Variants in OCA2 observed in about 807,000 individuals in gnomAD.
OCA2 encodes OCA2 melanosomal transmembrane protein.
In OCA2, 77 loss-of-function variants were observed where a neutral mutation model predicts 100.2. That is an observed-to-expected ratio of 0.77 (90% confidence interval 0.64 to 0.93). The LOEUF is 0.93. OCA2 is among the 40% of genes least tolerant of loss of function. OCA2 has a pLI of 0.00. For missense variants in OCA2, 1,062 were observed against 1,089.1 expected (o/e 0.98, Z 0.35); for synonymous variants, 432 against 439.2 (o/e 0.98, Z 0.21).
chr15:27,985,053 GC>G lies in OCA2; in HGVS notation c.1364+10del. The G allele has an allele frequency of 6.2e-7, 1 of 1,613,772 alleles. No homozygotes were observed. The highest frequency in any genetic ancestry group is 8.5e-7 in the Non-Finnish European group (1 of 1,179,840). ...TGGCCGCAACTCCCACGGCAGAGGTGCTTTGCGTACCTTATGGTCACAGGCG... is the reference window on the plus strand; with the variant it reads ...TGGCCGCAACTCCCACGGCAGAGGTGTTTGCGTACCTTATGGTCACAGGCG... On this transcript the variant is annotated intron_variant, in intron 13 of 23. Coordinates refer to ENST00000354638, the MANE Select transcript of OCA2 (RefSeq NM_000275.3).
intron 2 of OCA2, among the ~76,000 whole-genome samples, chr15:28,063,074 T>A (rs2043923535): frequency 1.3e-5 from 2 of 152,200 alleles, no homozygotes; most frequent in Non-Finnish European, 2.9e-5. Flanking sequence ...AGGATCAGTG[T>A]GCTGAAAATG....
intron 3 of OCA2, among the ~76,000 whole-genome samples, chr15:28,030,249 G>T (rs1355408197): frequency 6.6e-6 from 1 of 152,158 alleles, no homozygotes; most frequent in Non-Finnish European, 1.5e-5. Flanking sequence ...ACTGTACTAG[G>T]TGCCAGGATG....
intron 15 of OCA2, among the ~76,000 whole-genome samples, chr15:27,964,227 C>T (rs1298251990): frequency 6.6e-6 from 1 of 152,186 alleles, no homozygotes; most frequent in Non-Finnish European, 1.5e-5. Context: ...GGAAATATTT[C>T]CATATTCCTC....
intron 21 of OCA2, among the ~76,000 whole-genome samples, chr15:27,868,170 T>C (rs1046192972): frequency 5.3e-5 from 8 of 152,132 alleles, no homozygotes; most frequent in Non-Finnish European, 7.4e-5. Flanking sequence ...AGATGATGTT[T>C]TGGGGGTTTC....
intron 21 of OCA2, among the ~76,000 whole-genome samples, chr15:27,860,450 C>G (rs1043985700): frequency 1.1e-4 from 17 of 152,184 alleles, no homozygotes; most frequent in African/African-American, 3.6e-4. Flanking sequence ...TCGTCCTCAT[C>G]CCTCACTCCT....
chr15:27,858,447 A>C (rs947468014), intron 21 of OCA2, among the ~76,000 whole-genome samples: 1 of 152,118 alleles, frequency 6.6e-6, no homozygotes, highest in Non-Finnish European at 1.5e-5. Flanking sequence ...TACATCTTAC[A>C]CATTTTGTTA....
At chr15:28,061,741 A>T (rs1396399195) in intron 2 of OCA2, among the ~76,000 whole-genome samples, 1 of 152,184 alleles carries the variant, frequency 6.6e-6, no homozygotes, top group Non-Finnish European at 1.5e-5. Context: ...TTTATAAGCT[A>T]CTCAGTTTAT....
At chr15:27,772,200 T>A (rs1196689560) in intron 23 of OCA2, among the ~76,000 whole-genome samples, 1 of 152,212 alleles carries the variant, frequency 6.6e-6, no homozygotes, top group Non-Finnish European at 1.5e-5. Flanking sequence ...AAAACAATAT[T>A]TTCTGCTAAG....
Position 27,851,469 on chromosome 15 carries a change from C to A in OCA2, c.2251G>T (p.Val751Leu), listed in dbSNP as rs780969715. ...GGGTCGTGGCTCAGGTTCAGGAGCACGGGAATCTGTGGAGGAAGAGGACAT... is the reference window on the plus strand; with the variant it reads ...GGGTCGTGGCTCAGGTTCAGGAGCAAGGGAATCTGTGGAGGAAGAGGACAT... ...NIPFTATMIPVLLNLSHDPEV... is the reference protein window; with the variant it reads ...NIPFTATMIPLLLNLSHDPEV... The change falls in exon 22 of 24, where the codon GTG becomes TTG. Residue 751 changes from valine (V) to leucine (L), a missense_variant. By Grantham distance (32) the Val-to-Leu change is conservative. Transcript: ENST00000354638. 2.5e-6 allele frequency: 4 copies of A among 1,612,934 alleles called. No homozygotes were observed. The highest frequency in any genetic ancestry group is 2.2e-5 in the East Asian group (1 of 44,860).
chr15:27,804,769 A>C (rs2033756389), intron 23 of OCA2, among the ~76,000 whole-genome samples: 2 of 152,216 alleles, frequency 1.3e-5, no homozygotes, highest in Non-Finnish European at 2.9e-5. Context: ...AGGAAAGACC[A>C]GACAGCTACC....
At chr15:27,910,622 G>T (rs1567093539) in intron 19 of OCA2, among the ~76,000 whole-genome samples, 1 of 151,646 alleles carries the variant, frequency 6.6e-6, no homozygotes, top group South Asian at 2.1e-4. Flanking sequence ...TAAAGAAGGG[G>T]ATACAAAATA....
At chr15:27,727,932 G>A in the OCA2 span, among the ~76,000 whole-genome samples, 3 of 152,158 alleles carry the variant, frequency 2.0e-5, no homozygotes, top group African/African-American at 7.2e-5. Flanking sequence ...GTATTCACAG[G>A]CCCTGGCACG....
chr15:27,979,829 A>C (rs1287193542), intron 14 of OCA2, among the ~76,000 whole-genome samples: 2 of 148,486 alleles, frequency 1.3e-5, no homozygotes, highest in Admixed American at 6.7e-5. Context: ...CCTCCTGAGT[A>C]GCTGGGACTA....
chr15:28,024,126 G>A (rs1252274752), intron 5 of OCA2, among the ~76,000 whole-genome samples: 1 of 152,214 alleles, frequency 6.6e-6, no homozygotes, highest in African/African-American at 2.4e-5. Flanking sequence ...GCACAGAGGT[G>A]TCTCTGCAGC....
At chr15:28,033,438 T>C (rs977404036) in intron 2 of OCA2, among the ~76,000 whole-genome samples, 4 of 152,220 alleles carry the variant, frequency 2.6e-5, no homozygotes, top group African/African-American at 9.7e-5. Context: ...AGCATTCACC[T>C]GTGAGATAGA....
chr15:27,833,485 C>T (rs1163028176), intron 23 of OCA2, among the ~76,000 whole-genome samples: 1 of 152,218 alleles, frequency 6.6e-6, no homozygotes, highest in Admixed American at 6.5e-5. Context: ...TTTACCAGGA[C>T]ATTTACTCTT....
chr15:27,934,271 G>C (rs1229105670), intron 18 of OCA2, among the ~76,000 whole-genome samples: 1 of 151,992 alleles, frequency 6.6e-6, no homozygotes, highest in East Asian at 1.9e-4. Flanking sequence ...CTTAGACAGG[G>C]AGAAGTCAAT....
chr15:28,074,623 G>A (rs1276869636), intron 2 of OCA2, among the ~76,000 whole-genome samples: 16 of 147,816 alleles, frequency 1.1e-4, no homozygotes, highest in African/African-American at 2.5e-4. Flanking sequence ...GCAGTGAGCC[G>A]AGATCACGCC....
intron 23 of OCA2, among the ~76,000 whole-genome samples, chr15:27,789,168 A>G (rs2032960924): frequency 1.6e-5 from 2 of 124,750 alleles, no homozygotes; most frequent in Admixed American, 2.1e-4. Context: ...GTATAGCTAT[A>G]TAGATGTATA....
Sources: allele counts gnomAD v4.1 joint callset (sites outside exome capture counted in the v4.1 genomes callset), GRCh38; gene constraint gnomAD v4.1.1; transcripts MANE v1.5; gene names NCBI Gene and HGNC (gene_info 2026-07-23, HGNC 2026-07-21).